Variants in AGAP1 observed in about 807,000 individuals in gnomAD.
AGAP1 encodes the protein arf-GAP with GTPase, ANK repeat and PH domain-containing protein 1.
Under a neutral mutation model 105.3 loss-of-function variants are expected in AGAP1, and 29 were observed. That is an observed-to-expected ratio of 0.28 (90% CI 0.21 to 0.38). The LOEUF (loss-of-function observed/expected upper bound fraction) is 0.38. Ranked by LOEUF, AGAP1 falls within the 10% of genes least tolerant of loss-of-function variation. The pLI, the probability that AGAP1 is intolerant of heterozygous loss-of-function variation, is 1.00. For missense variants in AGAP1, 998 were observed against 1,165.1 expected, an observed-to-expected ratio of 0.86 and a Z score of 2.09; for synonymous variants, 509 against 485.9, an observed-to-expected ratio of 1.05 and a Z score of -0.63.
chr2:236,055,320 TTG>T lies in AGAP1; in HGVS notation c.2114+6046_2114+6047del, dbSNP rs145548262. Among the ~76,000 whole-genome samples the T allele has an allele frequency of 6.6e-6, 1 of 152,332 alleles. No homozygotes were observed. Among genetic ancestry groups the T allele is most frequent in the African/African-American group, 2.4e-5 (1 of 41,572 alleles). On this transcript the variant is annotated intron_variant, in intron 16 of 17. Coordinates refer to ENST00000304032, the MANE Select transcript of AGAP1 (RefSeq NM_001037131.3). The surrounding 1 kb of genome is among the most constrained non-coding windows in gnomAD (Gnocchi z 6.2). Reference sequence around the variant, plus strand: ...CCTACATGTACACACATGCACACTTTTGTGTGTGGCTTTATGTGCCTTGTTTT... The same window carrying T: ...CCTACATGTACACACATGCACACTTTTGTGTGGCTTTATGTGCCTTGTTTT...
intron 1 of AGAP1, among the ~76,000 whole-genome samples, chr2:235,699,605 A>G (rs779439088): frequency 8.5e-5 from 13 of 152,198 alleles, no homozygotes; most frequent in African/African-American, 3.1e-4. Context: ...GAAGCACCAC[A>G]TCCAAATTGC....
At chr2:235,697,354 T>A (rs149083740) in intron 1 of AGAP1, among the ~76,000 whole-genome samples, 2 of 152,294 alleles carry the variant, frequency 1.3e-5, no homozygotes, top group Non-Finnish European at 2.9e-5. Context: ...CTGTGTTGGG[T>A]GTACATGTTG....
chr2:235,935,526 A>T (rs1470817555), intron 12 of AGAP1, among the ~76,000 whole-genome samples: 3 of 151,312 alleles, frequency 2.0e-5, no homozygotes, highest in Non-Finnish European at 4.4e-5. Flanking sequence ...TAGATTCTTT[A>T]TGGACCCAGA....
chr2:235,697,138 G>T (rs12992033), intron 1 of AGAP1, among the ~76,000 whole-genome samples: 1 of 152,098 alleles, frequency 6.6e-6, no homozygotes, highest in Non-Finnish European at 1.5e-5. Flanking sequence ...TTAGGTCTGC[G>T]TGGAAAGGGT....
intron 1 of AGAP1, among the ~76,000 whole-genome samples, chr2:235,587,612 G>A (rs1024132741): frequency 1.3e-5 from 2 of 151,988 alleles, no homozygotes; most frequent in Admixed American, 6.6e-5. Flanking sequence ...AAAATTAGCC[G>A]GGCATTGTGG....
intron 11 of AGAP1, among the ~76,000 whole-genome samples, chr2:235,922,419 C>T (rs937210435): frequency 2.0e-5 from 3 of 152,226 alleles, no homozygotes; most frequent in African/African-American, 7.2e-5. Flanking sequence ...CCAAGAGTTG[C>T]TCCTCTTTTC....
At chr2:235,759,957 G>GA (rs925017704) in intron 6 of AGAP1, among the ~76,000 whole-genome samples, 1 of 152,078 alleles carries the variant, frequency 6.6e-6, no homozygotes, top group Non-Finnish European at 1.5e-5. Context: ...ACTATTTTTA[G>GA]AAAAAAATTA....
chr2:235,763,354 C>T lies in AGAP1; in HGVS notation c.673+12866C>T, dbSNP rs976103269. Reference sequence around the variant, plus strand: ...TTCCAAGCATTTTGGACAAGAGATCCGCGACCGTGAAACTTTTCCCACCCT... The same window carrying T: ...TTCCAAGCATTTTGGACAAGAGATCTGCGACCGTGAAACTTTTCCCACCCT... On this transcript the variant is annotated intron_variant, in intron 6 of 17. Coordinates refer to ENST00000304032, the MANE Select transcript of AGAP1 (RefSeq NM_001037131.3). 3.3e-4 allele frequency among the ~76,000 whole-genome samples: 50 copies of T among 152,136 alleles called. 1 individual carries two copies. The highest frequency in any genetic ancestry group is 1.2e-3 in the African/African-American group (48 of 41,518).
rs910535417 is a variant in AGAP1 at position 235,582,102 on chromosome 2, A to C, written c.163+87253A>C. Among the ~76,000 whole-genome samples, 11 of 152,172 alleles carry C rather than the reference A, an allele frequency of 7.2e-5. No homozygotes were observed. The highest frequency in any genetic ancestry group is 2.7e-4 in the African/African-American group (11 of 41,446). ...GTGATTGCAGCAGGCAGGAGTTGAT[A>C]GTGATGCTATGGGGCTGTCTGCTCT... is the stretch of plus-strand genomic sequence containing the variant. On this transcript the variant is annotated intron_variant, in intron 1 of 17. Coordinates refer to ENST00000304032, the MANE Select transcript of AGAP1 (RefSeq NM_001037131.3). The surrounding 1 kb of genome is among the most constrained non-coding windows in gnomAD (Gnocchi z 4.7).
At chr2:235,791,242 C>G (rs1956956439) in intron 6 of AGAP1, among the ~76,000 whole-genome samples, 1 of 136,660 alleles carries the variant, frequency 7.3e-6, no homozygotes, top group Non-Finnish European at 1.6e-5. Flanking sequence ...TAATTAATTT[C>G]TTCTTAATAA....
At chr2:235,707,929 T>G (rs763467481) in intron 1 of AGAP1, among the ~76,000 whole-genome samples, 10 of 150,402 alleles carry the variant, frequency 6.6e-5, no homozygotes, top group Non-Finnish European at 1.3e-4. Flanking sequence ...TGGGTTGTGC[T>G]TCCCAATCAT....
Position 235,852,778 on chromosome 2 carries a change from G to A in AGAP1, c.1051-30567G>A, listed in dbSNP as rs1418193551. 27 of 1,537,324 alleles carry A rather than the reference G, an allele frequency of 1.8e-5. No individual in the cohort carries two copies. The East Asian group carries it at 3.3e-4, about 19-fold the overall frequency. On this transcript the variant is annotated intron_variant, in intron 9 of 17. Transcript: ENST00000304032. ...GTCAGTCCTCCCCCTGGCCAGGGCC[G>A]AGGGGTGGTCAGACCAGCCCGCATT...
At chr2:235,685,665 G>A (rs1949341721) in intron 1 of AGAP1, among the ~76,000 whole-genome samples, 1 of 151,982 alleles carries the variant, frequency 6.6e-6, no homozygotes, top group Non-Finnish European at 1.5e-5. Context: ...ATGCCATATT[G>A]TTAGCACCTT....
chr2:235,908,692 CTTTTTT>C lies in AGAP1; in HGVS notation c.1156-37_1156-32del. The C allele has an allele frequency of 7.3e-7, 1 of 1,367,808 alleles. No homozygotes were observed. The highest frequency in any genetic ancestry group is 9.9e-7 in the Non-Finnish European group (1 of 1,013,214). The allele number at this position is 1,367,808 out of a possible 1,614,324, so 84.7% of individuals were successfully genotyped here. Reference sequence around the variant, plus strand: ...CCTTTTGTTCTAGGTTGTAAAAGGTCTTTTTTTTTTTTTTATCTCTCTTGGATGTTT... The same window carrying C: ...CCTTTTGTTCTAGGTTGTAAAAGGTCTTTTTTTTATCTCTCTTGGATGTTT... On this transcript the variant is annotated intron_variant, in intron 10 of 17. Coordinates refer to ENST00000304032, the MANE Select transcript of AGAP1 (RefSeq NM_001037131.3). The surrounding 1 kb of genome is among the most constrained non-coding windows in gnomAD (Gnocchi z 4.4).
intron 3 of AGAP1, among the ~76,000 whole-genome samples, chr2:235,726,331 A>C (rs2149586928): frequency 6.6e-6 from 1 of 152,348 alleles, no homozygotes. Context: ...CATGCTGTTG[A>C]CACAACTGTT....
chr2:236,017,164 G>T (rs10195458), intron 13 of AGAP1, among the ~76,000 whole-genome samples: 1,519 of 151,740 alleles, frequency 0.01, 37 homozygotes, highest in African/African-American at 0.034. Flanking sequence ...ATAGTGGCGA[G>T]CACCTGTAAT....
At position 235,642,272 on chromosome 2, in the gene AGAP1, A is replaced by C. The variant is rs767776816; in HGVS notation, c.164-66907A>C. Among the ~76,000 whole-genome samples, 1 of 152,082 alleles carries C rather than the reference A, an allele frequency of 6.6e-6. No homozygotes were observed. Among genetic ancestry groups the C allele is most frequent in the African/African-American group, 2.4e-5 (1 of 41,410 alleles). On this transcript the variant is annotated intron_variant, in intron 1 of 17. Coordinates refer to ENST00000304032, the MANE Select transcript of AGAP1 (RefSeq NM_001037131.3). This position sits in a 1 kb window ranked among gnomAD's most constrained non-coding sequence, Gnocchi z 4.1. ...CATTTCTTTCCTCACATTTGGGGGC[A>C]TTCAGTGGGGGAGGATTTACAAAGA...
At chr2:236,049,502 G>T in intron 16 of AGAP1, 1 of 474,964 alleles carries the variant, frequency 2.1e-6, no homozygotes, top group Non-Finnish European at 3.7e-6. Flanking sequence ...TTAGGCCTGG[G>T]GATTTCTCTC....
At chr2:235,595,522 A>G (rs765304938) in intron 1 of AGAP1, among the ~76,000 whole-genome samples, 8 of 152,212 alleles carry the variant, frequency 5.3e-5, no homozygotes, top group Non-Finnish European at 1.2e-4. Context: ...TGTTACTTAC[A>G]GCTAAGTAAA....
Sources: gnomAD v4.1 joint callset for allele counts (sites outside exome capture counted in the v4.1 genomes callset) on GRCh38, gnomAD v4.1.1 for gene constraint, Gnocchi (gnomAD v3.1) non-coding constraint, MANE v1.5 for transcripts, NCBI Gene and HGNC (gene_info 2026-07-23, HGNC 2026-07-21) for gene names.